CDH12: variants seen among roughly 807,000 people sequenced by gnomAD.
The protein encoded by CDH12 is cadherin-12.
Under a neutral mutation model 74.1 loss-of-function variants are expected in CDH12, and 41 were observed. That is an observed-to-expected ratio of 0.55 (90% CI 0.43 to 0.72). The LOEUF is 0.72. CDH12 is among the 30% of genes least tolerant of loss of function. The pLI is 0.00. For synonymous variants in CDH12, 399 were observed against 355.0 expected (o/e 1.12, Z -1.39); for missense variants, 945 against 977.2 (o/e 0.97, Z 0.44).
intron 1 of CDH12, among the ~76,000 whole-genome samples, chr5:22,675,886 T>TATATATATATATATATATATATATATAC (rs1364470668): frequency 2.8e-5 from 4 of 145,288 alleles, no homozygotes; most frequent in Middle Eastern, 3.6e-3. Flanking sequence ...TATATATATA[T>TATATATATATATATATATATATATATAC]ACTTTTGTTT....
intron 8 of CDH12, among the ~76,000 whole-genome samples, chr5:21,819,421 A>C (rs963335926): frequency 2.6e-5 from 4 of 151,942 alleles, no homozygotes; most frequent in Non-Finnish European, 5.9e-5. Flanking sequence ...TTTTTCTTCT[A>C]AAATGCCCGT....
chr5:22,643,485 A>G (rs1454096556), intron 1 of CDH12, among the ~76,000 whole-genome samples: 1 of 152,152 alleles, frequency 6.6e-6, no homozygotes, highest in African/African-American at 2.4e-5. Flanking sequence ...CACTTTTTGG[A>G]TACTAATATG....
At chr5:22,793,459 G>T (rs1561034935) in intron 1 of CDH12, among the ~76,000 whole-genome samples, 1 of 152,154 alleles carries the variant, frequency 6.6e-6, no homozygotes, top group Non-Finnish European at 1.5e-5. Context: ...ATGAATTTAT[G>T]TTCTAAAGGA....
intron 4 of CDH12, among the ~76,000 whole-genome samples, chr5:22,117,523 AATATATAT>A (rs60686782): frequency 6.1e-5 from 4 of 65,580 alleles, no homozygotes; most frequent in African/African-American, 2.4e-4. Flanking sequence ...ATATATATAT[AATATATAT>A]ATATATATAT....
intron 11 of CDH12, among the ~76,000 whole-genome samples, chr5:21,780,401 T>A (rs892246014): frequency 6.6e-6 from 1 of 152,146 alleles, no homozygotes; most frequent in Non-Finnish European, 1.5e-5. Flanking sequence ...GTTATGAGTG[T>A]CTTCAATCCC....
At chr5:21,977,485 T>C (rs1463969283) in intron 5 of CDH12, among the ~76,000 whole-genome samples, 1 of 152,168 alleles carries the variant, frequency 6.6e-6, no homozygotes, top group Non-Finnish European at 1.5e-5. Context: ...TGGATCCATT[T>C]TGCCAACAGC....
chr5:22,443,650 A>G (rs1245351780), intron 2 of CDH12, among the ~76,000 whole-genome samples: 2 of 152,154 alleles, frequency 1.3e-5, no homozygotes, highest in African/African-American at 4.8e-5. Context: ...AAAATAAAAC[A>G]AACTTATATT....
chr5:22,423,123 C>T (rs1378049645), intron 2 of CDH12, among the ~76,000 whole-genome samples: 1 of 150,984 alleles, frequency 6.6e-6, no homozygotes, highest in Non-Finnish European at 1.5e-5. Context: ...GAAGAATACC[C>T]TTGGTGGAGG....
At chr5:22,019,435 G>T (rs1002662395) in intron 5 of CDH12, among the ~76,000 whole-genome samples, 1 of 152,114 alleles carries the variant, frequency 6.6e-6, no homozygotes, top group Admixed American at 6.5e-5. Flanking sequence ...TGTTGAAATT[G>T]TAACTCCAAT....
intron 2 of CDH12, among the ~76,000 whole-genome samples, chr5:22,495,165 A>T (rs1288465163): frequency 2.0e-5 from 3 of 152,172 alleles, no homozygotes; most frequent in Non-Finnish European, 4.4e-5. Flanking sequence ...GGCAGGCATC[A>T]CTTGGGGCAA....
intron 1 of CDH12, among the ~76,000 whole-genome samples, chr5:22,807,199 T>G: frequency 6.6e-6 from 1 of 152,212 alleles, no homozygotes; most frequent in East Asian, 1.9e-4. Context: ...TTAGGTTAGA[T>G]ATTTACATAA....
intron 6 of CDH12, among the ~76,000 whole-genome samples, chr5:21,884,970 C>T (rs1039020581): frequency 4.6e-5 from 7 of 152,116 alleles, no homozygotes; most frequent in Non-Finnish European, 1.0e-4. Flanking sequence ...ACCGCAACCT[C>T]TGCCTCCCGG....
At chr5:22,678,368 A>G (rs1741323305) in intron 1 of CDH12, among the ~76,000 whole-genome samples, 1 of 152,116 alleles carries the variant, frequency 6.6e-6, no homozygotes, top group South Asian at 2.1e-4. Flanking sequence ...AAACTTAACA[A>G]TATCAATACA....
intron 3 of CDH12, among the ~76,000 whole-genome samples, chr5:22,349,058 G>A (rs945858487): frequency 6.6e-6 from 1 of 152,128 alleles, no homozygotes; most frequent in African/African-American, 2.4e-5. Context: ...GCCCTATAGA[G>A]GAATCCACAG....
At chr5:21,802,056 T>C in intron 10 of CDH12, 111 bp downstream of exon 10, 2 of 874,696 alleles carry the variant, frequency 2.3e-6, no homozygotes, top group Non-Finnish European at 3.5e-6. Context: ...AGCATCATAT[T>C]CTATAATTAA....
At chr5:22,816,342 G>A (rs192828580) in intron 1 of CDH12, among the ~76,000 whole-genome samples, 8 of 152,206 alleles carry the variant, frequency 5.3e-5, no homozygotes, top group South Asian at 2.1e-4. Context: ...GGGCTAGTCC[G>A]TAAAGCTTAC....
intron 1 of CDH12, among the ~76,000 whole-genome samples, chr5:22,551,827 A>G (rs568844368): frequency 1.3e-5 from 2 of 152,344 alleles, no homozygotes; most frequent in East Asian, 1.9e-4. Context: ...GGTCAAAGCT[A>G]TACTTTTCCA....
chr5:22,515,497 A>C (rs1175637372), intron 1 of CDH12, among the ~76,000 whole-genome samples: 4 of 152,110 alleles, frequency 2.6e-5, no homozygotes, highest in Admixed American at 2.6e-4. Flanking sequence ...ACATAAATAC[A>C]TAATTCTACA....
chr5:22,134,031 T>C (rs1395015227), intron 4 of CDH12, among the ~76,000 whole-genome samples: 1 of 152,010 alleles, frequency 6.6e-6, no homozygotes, highest in Non-Finnish European at 1.5e-5. Flanking sequence ...AATAAGCAAA[T>C]GGGAGAAGAA....
Sources: gnomAD v4.1 joint callset for allele counts (sites outside exome capture counted in the v4.1 genomes callset) on GRCh38, gnomAD v4.1.1 for gene constraint, MANE v1.5 for transcripts, NCBI Gene and HGNC (gene_info 2026-07-23, HGNC 2026-07-21) for gene names.